SERPINA1: variants seen among roughly 807,000 people sequenced by gnomAD.
SERPINA1 encodes serpin family A member 1.
A neutral mutation model predicts 25.4 loss-of-function variants in SERPINA1; 21 were observed. The observed-to-expected ratio is 0.83, with a 90% CI of 0.59 to 1.19. SERPINA1 has a LOEUF of 1.19. SERPINA1 is among the 50% of genes most tolerant of loss of function. The pLI is 0.00. For synonymous variants in SERPINA1, 218 were observed against 211.1 expected, an observed-to-expected ratio of 1.03 and a Z score of -0.29; for missense variants, 546 against 509.0, an observed-to-expected ratio of 1.07 and a Z score of -0.70.
At position 94,381,065 on chromosome 14, in the gene SERPINA1, C is replaced by T. The variant is rs1182248085; in HGVS notation, c.723G>A (p.Lys241=). The T allele has an allele frequency of 3.1e-6, 5 of 1,614,052 alleles. No individual in the cohort carries two copies. The Admixed American group carries it at 6.7e-5, about 22-fold the overall frequency. ...TGCCTAAACGCTTCATCATAGGCAC[C>T]TTCACGGTGGTCACCTGGTCCACGT... ...DFHVDQVTTV[K]VPMMKRLGMF... The change falls in exon 3 of 5, where the codon AAG becomes AAA. Residue 241 remains lysine, a synonymous_variant. Coordinates refer to ENST00000393087, the MANE Select transcript of SERPINA1 (RefSeq NM_000295.5).
intron 1 of SERPINA1, chr14:94,383,575 T>C: frequency 7.8e-6 from 3 of 386,424 alleles, no homozygotes; most frequent in East Asian, 9.2e-5. Context: ...ACTGAGGAAG[T>C]AGCAGAACCA....
intron 1 of SERPINA1, among the ~76,000 whole-genome samples, chr14:94,387,602 G>A (rs1209964526): frequency 2.0e-5 from 3 of 152,278 alleles, no homozygotes; most frequent in South Asian, 2.1e-4. Context: ...TGAAGTCACC[G>A]AGCATCAGAG....
At chr14:94,385,207 A>G (rs565314801) in intron 1 of SERPINA1, among the ~76,000 whole-genome samples, 1 of 152,342 alleles carries the variant, frequency 6.6e-6, no homozygotes, top group African/African-American at 2.4e-5. Flanking sequence ...TAGCCCTGGC[A>G]GGGCCATCAC....
chr14:94,381,164 A>G, intron 2 of SERPINA1, 23 bp from the exon 3 acceptor site: 1 of 1,608,066 alleles, frequency 6.2e-7, no homozygotes, highest in Non-Finnish European at 8.5e-7. Flanking sequence ...GAAGGTGGGC[A>G]TCACCAGGGG....
rs762801939 is a variant in SERPINA1, at chr14:94,382,678, T to C, written c.560A>G (p.Lys187Arg). The C allele has an allele frequency of 2.0e-5, 33 of 1,614,154 alleles. No homozygotes were observed. The highest frequency in any genetic ancestry group is 2.8e-5 in the Non-Finnish European group (33 of 1,180,066). ...ATCCACAATTTTCCCTTGAGTACCC[T>C]TCTCCACGTAATCGTTGATCTGTTT... Reference protein sequence around the residue: ...AKKQINDYVEKGTQGKIVDLV... With the variant: ...AKKQINDYVERGTQGKIVDLV... The change falls in exon 2 of 5, where the codon AAG (lysine) becomes AGG (arginine). Residue 187 changes from lysine (K) to arginine (R), a missense_variant. Transcript: ENST00000393087.
chr14:94,383,220 C>A lies in SERPINA1; in HGVS notation c.18G>T (p.Ser6=), dbSNP rs1343069141. 6.2e-7 allele frequency: 1 copy of A among 1,613,194 alleles called. No homozygotes were observed. Among genetic ancestry groups the A allele is most frequent in the Non-Finnish European group, 8.5e-7 (1 of 1,179,988 alleles). The change falls in exon 2 of 5, where the codon TCG becomes TCT. Residue 6 remains serine, a synonymous_variant. Transcript: ENST00000393087. The part of the protein sequence containing the change: MPSSV[S]WGILLLAGLC... ...GGCCTGCCAGCAGGAGGATGCCCCACGAGACAGAAGACGGCATTGTCCTGC... is the reference window on the plus strand; with the variant it reads ...GGCCTGCCAGCAGGAGGATGCCCCAAGAGACAGAAGACGGCATTGTCCTGC...
At chr14:94,386,082 C>G (rs1897269798) in intron 1 of SERPINA1, among the ~76,000 whole-genome samples, 1 of 152,192 alleles carries the variant, frequency 6.6e-6, no homozygotes, top group Non-Finnish European at 1.5e-5. Flanking sequence ...CTTATAACAT[C>G]AGGACTCCAA....
chr14:94,378,665 C>G (rs372571769), intron 4 of SERPINA1, 25 bp from the exon 5 acceptor site: 2 of 1,608,824 alleles, frequency 1.2e-6, no homozygotes, highest in African/African-American at 1.4e-5. Context: ...AGCAGAGACA[C>G]GTTGTAAGGC....
intron 1 of SERPINA1, among the ~76,000 whole-genome samples, chr14:94,386,375 C>G (rs1457342419): frequency 6.6e-6 from 1 of 152,076 alleles, no homozygotes; most frequent in African/African-American, 2.4e-5. Flanking sequence ...AATAAGGGAC[C>G]AAGAGCAACC....
chr14:94,379,565 C>G lies in SERPINA1; in HGVS notation c.964G>C (p.Asp322His). Residue 322 changes from aspartate (D) to histidine (H), a missense_variant, in exon 4 of 5, where the codon GAT becomes CAT. Asp to His is a moderately conservative substitution (Grantham distance 81). Transcript: ENST00000393087. Reference sequence around the variant, plus strand: ...AGTTGACCCAGGACGCTCTTCAGATCATAGGTTCCAGTAATGGACAGTTTG... The same window carrying G: ...AGTTGACCCAGGACGCTCTTCAGATGATAGGTTCCAGTAATGGACAGTTTG... ...LPKLSITGTYDLKSVLGQLGI... is the reference protein window; with the variant it reads ...LPKLSITGTYHLKSVLGQLGI... The G allele has an allele frequency of 6.2e-7, 1 of 1,611,784 alleles. No homozygotes were observed. Among genetic ancestry groups the G allele is most frequent in the African/African-American group, 1.3e-5 (1 of 74,498 alleles).
At chr14:94,378,733 C>G in intron 4 of SERPINA1, 93 bp from the exon 5 acceptor site, 1 of 1,353,134 alleles carries the variant, frequency 7.4e-7, no homozygotes, top group Non-Finnish European at 1.0e-6. Flanking sequence ...GCTCACTCCC[C>G]CTGGACGGCC....
intron 1 of SERPINA1, among the ~76,000 whole-genome samples, chr14:94,384,765 T>C (rs1420161234): frequency 1.3e-5 from 2 of 152,084 alleles, no homozygotes; most frequent in Non-Finnish European, 2.9e-5. Context: ...ATTTGGGAAA[T>C]GAAAAACTGG....
chr14:94,379,477 A>C lies in SERPINA1; in HGVS notation c.1052T>G (p.Leu351Arg), dbSNP rs1425102569. The change falls in exon 4 of 5, where the codon CTG (leucine) becomes CGG (arginine). Residue 351 changes from leucine to arginine, a missense_variant. By Grantham distance (102) the Leu-to-Arg change is moderately radical (BLOSUM62 -2). Transcript: ENST00000393087. Reference sequence around the variant, plus strand: ...GGGTGATCTCACCTTGGAGAGCTTCAGGGGTGCCTCCTCTGTGACCCCGGA... The same window carrying C: ...GGGTGATCTCACCTTGGAGAGCTTCCGGGGTGCCTCCTCTGTGACCCCGGA... ...DLSGVTEEAP[L>R]KLSKAVHKAV... 6.2e-7 allele frequency: 1 copy of C among 1,614,096 alleles called. No individual in the cohort carries two copies. Among genetic ancestry groups the C allele is most frequent in the Admixed American group, 1.7e-5 (1 of 60,012 alleles).
chr14:94,378,939 A>G (rs1050829962), intron 4 of SERPINA1, among the ~76,000 whole-genome samples: 3 of 152,164 alleles, frequency 2.0e-5, no homozygotes, highest in Non-Finnish European at 4.4e-5. Flanking sequence ...TTTCTAGTAC[A>G]CGGCTTGAAG....
chr14:94,378,590 A>T lies in SERPINA1; in HGVS notation c.1116T>A (p.Ala372=), dbSNP rs751415975. 1 of 1,614,092 alleles carries T rather than the reference A, an allele frequency of 6.2e-7. No homozygotes were observed. The change falls in exon 5 of 5, where the codon GCT becomes GCA. Residue 372 remains alanine, a synonymous_variant. Transcript: ENST00000393087. The part of the protein sequence containing the change: ...LTIDEKGTEA[A]GAMFLEAIPM... ...GTATGGCCTCTAAAAACATGGCCCC[A>T]GCAGCTTCAGTCCCTTTCTCGTCGA...
intron 1 of SERPINA1, among the ~76,000 whole-genome samples, chr14:94,387,586 A>G (rs1280693178): frequency 6.6e-6 from 1 of 152,186 alleles, no homozygotes; most frequent in African/African-American, 2.4e-5. Context: ...AGGTTGAGCA[A>G]CTGTCTGAAG....
At chr14:94,387,067 C>T (rs1897331931) in intron 1 of SERPINA1, among the ~76,000 whole-genome samples, 1 of 152,190 alleles carries the variant, frequency 6.6e-6, no homozygotes, top group Non-Finnish European at 1.5e-5. Context: ...CACTCCAAAA[C>T]CTGACATTGA....
chr14:94,386,635 C>A (rs1897306806), intron 1 of SERPINA1, among the ~76,000 whole-genome samples: 1 of 152,172 alleles, frequency 6.6e-6, no homozygotes, highest in Non-Finnish European at 1.5e-5. Context: ...TACCTGCACA[C>A]AGGTTGAGCT....
chr14:94,379,979 G>T (rs11846959), intron 3 of SERPINA1, among the ~76,000 whole-genome samples: 1 of 142,048 alleles, frequency 7.0e-6, no homozygotes, highest in Admixed American at 7.1e-5. Context: ...AGTGACAACC[G>T]TTTAGTGGAT....
Sources: allele counts gnomAD v4.1 joint callset (sites outside exome capture counted in the v4.1 genomes callset), GRCh38; gene constraint gnomAD v4.1.1; transcripts MANE v1.5; gene names NCBI Gene and HGNC (gene_info 2026-07-23, HGNC 2026-07-21).